Variants in NEUROG2 observed in about 807,000 individuals in gnomAD.
NEUROG2 encodes neurogenin-2.
NEUROG2 carries 1 observed loss-of-function variant against 2.8 expected under a neutral mutation model. The observed-to-expected ratio is 0.36, with a 90% CI of 0.13 to 1.71. NEUROG2 has a LOEUF of 1.71. NEUROG2 is among the 40% of genes most tolerant of loss of function. The pLI is 0.34. For missense variants in NEUROG2, 397 were observed against 392.7 expected, an observed-to-expected ratio of 1.01 and a Z score of -0.09; for synonymous variants, 211 against 187.7, an observed-to-expected ratio of 1.12 and a Z score of -1.01.
At position 112,514,542 on chromosome 4, in the gene NEUROG2, A is replaced by G; in HGVS notation, c.*115T>C. 1 of 812,224 alleles carries G rather than the reference A, an allele frequency of 1.2e-6. No individual in the cohort carries two copies. Among genetic ancestry groups the G allele is most frequent in the East Asian group, 3.0e-5 (1 of 33,486 alleles). 50.3% of individuals were successfully genotyped at this position (812,224 alleles called of 1,614,324 possible). On this transcript the variant is annotated 3_prime_UTR_variant, in exon 2 of 2. Transcript: ENST00000313341. The stretch of plus-strand genomic sequence containing the variant: ...TCAGAAAGGCTACACCTGCCCTGTG[A>G]AGTGAGATGGTTTCCAGGGCGTGGA...
Position 112,514,513 on chromosome 4 carries a change from G to A in NEUROG2, c.*144C>T, listed in dbSNP as rs1736379594. On this transcript the variant is annotated 3_prime_UTR_variant, in exon 2 of 2. Transcript: ENST00000313341. Reference sequence around the variant, plus strand: ...GCCAAGAAATGCAAGAAACAACCGAGGAATCAGAAAGGCTACACCTGCCCT... The same window carrying A: ...GCCAAGAAATGCAAGAAACAACCGAAGAATCAGAAAGGCTACACCTGCCCT... 1 of 549,104 alleles carries A rather than the reference G, an allele frequency of 1.8e-6. No individual in the cohort carries two copies. Among genetic ancestry groups the A allele is most frequent in the Non-Finnish European group, 2.9e-6 (1 of 347,072 alleles). 34.0% of individuals were successfully genotyped at this position (549,104 alleles called of 1,614,324 possible). A position where few individuals can be genotyped will look rare whatever the true frequency, so the allele number is the denominator to read the frequency against.
Position 112,515,421 on chromosome 4 carries a change from G to A in NEUROG2, c.55C>T (p.Leu19=), listed in dbSNP as rs775092969. 1.3e-6 allele frequency: 2 copies of A among 1,530,376 alleles called. No homozygotes were observed. The highest frequency in any genetic ancestry group is 8.7e-7 in the Non-Finnish European group (1 of 1,151,722). The allele number at this position is 1,530,376 out of a possible 1,614,324, so 94.8% of individuals were successfully genotyped here. The change falls in exon 2 of 2, where the codon CTG becomes TTG. Residue 19 remains leucine (L), a synonymous_variant. Transcript: ENST00000313341. The stretch of plus-strand genomic sequence containing the variant: ...AAGGCGGGGGAGGCCGATCCGAGCA[G>A]CACTAACACGTCCTCTTCCTCCTTC... ...ELKEEEDVLV[L]LGSASPALAA... is the part of the protein sequence containing the mutation.
rs1394094438 is a variant in NEUROG2, at chr4:112,515,186, G to C, written c.290C>G (p.Ser97Cys). ...CGTCTCGGCCGTCTTGGCGCCTCGG[G>C]AGACGGCCCGCGCCCGGGAAGGGCG... ...KRRPSRARAV[S>C]RGAKTAETVQ... Residue 97 changes from serine to cysteine, a missense_variant, in exon 2 of 2, where the codon TCC (serine) becomes TGC (cysteine). Transcript: ENST00000313341. 1 of 1,611,810 alleles carries C rather than the reference G, an allele frequency of 6.2e-7. No homozygotes were observed. Among genetic ancestry groups the C allele is most frequent in the Admixed American group, 1.7e-5 (1 of 59,986 alleles).
chr4:112,514,455 A>C lies in NEUROG2; in HGVS notation c.*202T>G, dbSNP rs1210642708. On this transcript the variant is annotated 3_prime_UTR_variant, in exon 2 of 2. Transcript: ENST00000313341. The stretch of plus-strand genomic sequence containing the variant: ...AATAAGCTCCATCACACCTTCAGTA[A>C]ATCAGAGCCCGTCTGAATGAAGGAT... 6.9e-6 allele frequency: 3 copies of C among 436,464 alleles called. No individual in the cohort carries two copies. The highest frequency in any genetic ancestry group is 7.8e-6 in the Non-Finnish European group (2 of 257,806). The allele number at this position is 436,464 out of a possible 1,614,324, so 27.0% of individuals were successfully genotyped here.
chr4:112,514,019 A>G lies in NEUROG2; in HGVS notation c.*638T>C, dbSNP rs1736367229. On this transcript the variant is annotated 3_prime_UTR_variant, in exon 2 of 2. Coordinates refer to ENST00000313341, the MANE Select transcript of NEUROG2 (RefSeq NM_024019.4). ...AAAGGAAAGAGAAGGACAGGACAAT[A>G]GGCATTGTGACGAATCTGGGAAACA... 1 of 152,684 alleles carries G rather than the reference A, an allele frequency of 6.5e-6. No homozygotes were observed. The highest frequency in any genetic ancestry group is 2.1e-4 in the South Asian group (1 of 4,828). 9.5% of individuals were successfully genotyped at this position (152,684 alleles called of 1,614,324 possible).
Position 112,514,306 on chromosome 4 carries a change from G to A in NEUROG2, c.*351C>T, listed in dbSNP as rs1736374933. 8.2e-6 allele frequency: 2 copies of A among 245,058 alleles called. No homozygotes were observed. Among genetic ancestry groups the A allele is most frequent in the East Asian group, 7.8e-5 (1 of 12,898 alleles). 15.2% of individuals were successfully genotyped at this position (245,058 alleles called of 1,614,324 possible). Reference sequence around the variant, plus strand: ...CACGAACTGCACCAAGTCCTTCGGCGTTAAAGAGAAAGGGGAGGAGCGTCA... The same window carrying A: ...CACGAACTGCACCAAGTCCTTCGGCATTAAAGAGAAAGGGGAGGAGCGTCA... On this transcript the variant is annotated 3_prime_UTR_variant, in exon 2 of 2. Transcript: ENST00000313341.
Position 112,514,845 on chromosome 4 carries a change from C to T in NEUROG2, c.631G>A (p.Ala211Thr), listed in dbSNP as rs762612614. 3 of 1,590,410 alleles carry T rather than the reference C, an allele frequency of 1.9e-6. No individual in the cohort carries two copies. Among genetic ancestry groups the T allele is most frequent in the Middle Eastern group, 1.8e-4 (1 of 5,702 alleles). ...LSSSGDSPSP[A>T]STWSCTNSPA... ...CTGTTGGTGCAACTCCACGTGGAGG[C>T]GGGCGAGGGGCTGTCTCCGCTGCTG... The change falls in exon 2 of 2, where the codon GCC (alanine) becomes ACC (threonine). Residue 211 changes from alanine (A) to threonine (T), a missense_variant. By Grantham distance (58) the Ala-to-Thr change is moderately conservative. Coordinates refer to ENST00000313341, the MANE Select transcript of NEUROG2 (RefSeq NM_024019.4).
Position 112,515,338 on chromosome 4 carries a change from G to GGTGTAGAT in NEUROG2, c.137_138insATCTACAC (p.Ala47SerfsTer72). 1 of 1,446,036 alleles carries GGTGTAGAT rather than the reference G, an allele frequency of 6.9e-7. No homozygotes were observed. The highest frequency in any genetic ancestry group is 9.1e-7 in the Non-Finnish European group (1 of 1,103,242). The allele number at this position is 1,446,036 out of a possible 1,614,324, so 89.6% of individuals were successfully genotyped here. On this transcript the variant is annotated frameshift_variant, in exon 2 of 2. Coordinates refer to ENST00000313341, the MANE Select transcript of NEUROG2 (RefSeq NM_024019.4). LOFTEE classifies it low-confidence loss of function (END_TRUNC). ...GCTGCCGACGCGCCCCGCCTGACGCGCCCGGCTCCTCCTCCTCTTCTTCGT... is the reference window on the plus strand; with the variant it reads ...GCTGCCGACGCGCCCCGCCTGACGCGGTGTAGATCCCGGCTCCTCCTCCTCTTCTTCGT...
intron 1 of NEUROG2, 98 bp from the exon 2 acceptor site, chr4:112,515,574 A>T: frequency 9.4e-7 from 1 of 1,058,778 alleles, no homozygotes; most frequent in Non-Finnish European, 1.3e-6. Context: ...CGCGCACCCG[A>T]GAAGACCAGC....
intron 1 of NEUROG2, 52 bp downstream of exon 1, chr4:112,515,795 T>C: frequency 4.8e-6 from 1 of 207,504 alleles, no homozygotes; most frequent in Non-Finnish European, 9.6e-6. Flanking sequence ...GTGGTTGGAC[T>C]GAGTGCGGGG....
Sources: gnomAD v4.1 joint callset for allele counts on GRCh38, gnomAD v4.1.1 for gene constraint, MANE v1.5 for transcripts, NCBI Gene and HGNC (gene_info 2026-07-23, HGNC 2026-07-21) for gene names.